The following NCOR2 variants were observed in gnomAD, a reference collection of about 807,000 sequenced individuals.
The protein encoded by NCOR2 is CTG repeat protein 26.
In NCOR2, 81 loss-of-function variants were observed where a neutral mutation model predicts 262.9. That is an observed-to-expected ratio of 0.31 (90% CI 0.26 to 0.37). The LOEUF (loss-of-function observed/expected upper bound fraction) is 0.37, where lower values mean the gene tolerates loss of function less well. NCOR2 is among the 10% of genes least tolerant of loss of function. The probability of loss-of-function intolerance (pLI) is 1.00; values close to 1 mark genes in which losing one functional copy is unlikely to be tolerated. For synonymous variants in NCOR2, 1,659 were observed against 1,559.3 expected, an observed-to-expected ratio of 1.06 and a Z score of -1.51; for missense variants, 3,385 against 3,621.4, an observed-to-expected ratio of 0.93 and a Z score of 1.68.
Position 124,359,488 on chromosome 12 carries a change from G to A in NCOR2, c.3100+2638C>T, listed in dbSNP as rs149222956. On this transcript the variant is annotated intron_variant, in intron 22 of 46. Transcript: ENST00000405201. ...CTGGACTTGTGCCCTGGCGAGGTGG[G>A]CAGCCCACAGGAGGCAGGGGGCACA... 2.1e-4 allele frequency among the ~76,000 whole-genome samples: 32 copies of A among 152,362 alleles called. No individual in the cohort carries two copies. In the Middle Eastern group the frequency reaches 0.017, roughly 81 times the overall value.
At chr12:124,390,709 AT>A (rs1233110416) in intron 16 of NCOR2, among the ~76,000 whole-genome samples, 2 of 152,198 alleles carry the variant, frequency 1.3e-5, no homozygotes, top group Non-Finnish European at 2.9e-5. Context: ...AGGCTGGGGT[AT>A]CCCCCTTGAC....
At position 124,449,800 on chromosome 12, in the gene NCOR2, C is replaced by A. The variant is rs973471464; in HGVS notation, c.815+15G>T. 12 of 1,613,856 alleles carry A rather than the reference C, an allele frequency of 7.4e-6. No homozygotes were observed. Among genetic ancestry groups the A allele is most frequent in the Non-Finnish European group, 9.3e-6 (11 of 1,179,882 alleles). On this transcript the variant is annotated intron_variant, in intron 7 of 46. Transcript: ENST00000405201. ...CTGCCTCTGTGTGTCTGCACGGCTG[C>A]CCGCGAGCACTCACATTTTGATGTT...
chr12:124,433,243 G>A (rs979721009), intron 8 of NCOR2, among the ~76,000 whole-genome samples: 7 of 152,230 alleles, frequency 4.6e-5, no homozygotes, highest in African/African-American at 7.2e-5. Context: ...ACGGCCACAC[G>A]TGCTCGGGGC....
intron 13 of NCOR2, among the ~76,000 whole-genome samples, chr12:124,411,438 C>CCGGATGACTGGAGCCCAGGA (rs2042582508): frequency 6.6e-6 from 1 of 152,186 alleles, no homozygotes; most frequent in Non-Finnish European, 1.5e-5. Context: ...TGGACCCAGG[C>CCGGATGACTGGAGCCCAGGA]CGGATGACTG....
chr12:124,388,749 C>T (rs1342725550), intron 16 of NCOR2: 4 of 1,304,250 alleles, frequency 3.1e-6, no homozygotes, highest in Non-Finnish European at 3.0e-6. Context: ...GAAGATGCCC[C>T]AGGGAGCGGG....
chr12:124,390,485 C>CCA (rs1555215632), intron 16 of NCOR2, among the ~76,000 whole-genome samples: 1 of 151,862 alleles, frequency 6.6e-6, no homozygotes, highest in Non-Finnish European at 1.5e-5. Flanking sequence ...GTGACCCCCC[C>CCA]CCGTCGCCCT....
intron 44 of NCOR2, 96 bp from the exon 47 acceptor site, chr12:124,327,729 A>C (rs979413195): frequency 2.1e-5 from 12 of 570,384 alleles, no homozygotes; most frequent in South Asian, 1.2e-4. Flanking sequence ...GAGAGAGGGA[A>C]GGAGGAGGAG....
chr12:124,445,223 T>G (rs1481994931), intron 7 of NCOR2, among the ~76,000 whole-genome samples: 5 of 152,184 alleles, frequency 3.3e-5, no homozygotes, highest in Non-Finnish European at 7.4e-5. Flanking sequence ...CCACGCACTT[T>G]CACCACATCC....
chr12:124,399,132 A>T (rs2041855627), intron 15 of NCOR2, among the ~76,000 whole-genome samples: 1 of 151,654 alleles, frequency 6.6e-6, no homozygotes, highest in Non-Finnish European at 1.5e-5. Context: ...AAGAGGGGAG[A>T]CGGCCCCCAC....
chr12:124,554,662 G>A (rs1351590651), intron 1 of NCOR2, among the ~76,000 whole-genome samples: 1 of 152,226 alleles, frequency 6.6e-6, no homozygotes, highest in East Asian at 1.9e-4. Flanking sequence ...GCAAACCAGA[G>A]AGCACACACC....
At chr12:124,364,577 G>A (rs2038872389) in intron 20 of NCOR2, among the ~76,000 whole-genome samples, 1 of 152,210 alleles carries the variant, frequency 6.6e-6, no homozygotes, top group South Asian at 2.1e-4. Context: ...CAGGGTACAC[G>A]GTGCCTGGCA....
chr12:124,376,727 G>A (rs1327863218), intron 18 of NCOR2, among the ~76,000 whole-genome samples: 8 of 152,218 alleles, frequency 5.3e-5, no homozygotes, highest in Non-Finnish European at 2.9e-5. Flanking sequence ...TTTATCTGCA[G>A]GCTGGGCTTA....
chr12:124,414,859 G>A (rs975792002), intron 13 of NCOR2, among the ~76,000 whole-genome samples: 4 of 152,352 alleles, frequency 2.6e-5, no homozygotes, highest in African/African-American at 9.6e-5. Context: ...ATGAGGGAGA[G>A]AGAAGCATGG....
At chr12:124,512,514 CTTTTATCAAAT>C (rs1233924901) in intron 1 of NCOR2, among the ~76,000 whole-genome samples, 5 of 152,194 alleles carry the variant, frequency 3.3e-5, no homozygotes, top group Non-Finnish European at 5.9e-5. Context: ...TGCAAAGACC[CTTTTATCAAAT>C]ACGGTCTCTC....
chr12:124,509,241 G>GCA (rs1555234132), intron 1 of NCOR2, among the ~76,000 whole-genome samples: 1 of 64,616 alleles, frequency 1.5e-5, no homozygotes, highest in Non-Finnish European at 5.3e-5. Flanking sequence ...TTGGTGGGGG[G>GCA]GGGGGGGGCT....
intron 13 of NCOR2, among the ~76,000 whole-genome samples, chr12:124,415,154 C>T (rs1339843419): frequency 2.0e-5 from 3 of 152,280 alleles, no homozygotes; most frequent in East Asian, 3.9e-4. Context: ...TTCACCTCCC[C>T]ACCCTCCTTA....
At chr12:124,342,858 T>C in intron 33 of NCOR2, 147 bp downstream of exon 35, 1 of 780,132 alleles carries the variant, frequency 1.3e-6, no homozygotes, top group Non-Finnish European at 2.0e-6. Flanking sequence ...ATGATTACAC[T>C]GTTGGGTCTT....
intron 17 of NCOR2, among the ~76,000 whole-genome samples, chr12:124,384,814 G>A (rs886118714): frequency 2.0e-4 from 30 of 152,156 alleles, no homozygotes; most frequent in Admixed American, 9.8e-4. Flanking sequence ...TGGGAGTGGC[G>A]GGGGGAGGAG....
At position 124,457,897 on chromosome 12, in the gene NCOR2, G is replaced by A. The variant is rs565670329; in HGVS notation, c.706-735C>T. On this transcript the variant is annotated intron_variant, in intron 5 of 46. Transcript: ENST00000405201. The surrounding 1 kb of genome is among the most constrained non-coding windows in gnomAD (Gnocchi z 4.0). ...ACCAGGGTCCACTCACAGGAGGCCT[G>A]GAGGGCAGCCCAGGCCAGCCGGGTA... 2.6e-5 allele frequency among the ~76,000 whole-genome samples: 4 copies of A among 152,324 alleles called. No individual in the cohort carries two copies. The South Asian group carries it at 8.3e-4, about 32-fold the overall frequency.
Sources: gnomAD v4.1 joint callset for allele counts (sites outside exome capture counted in the v4.1 genomes callset) on GRCh38, gnomAD v4.1.1 for gene constraint, Gnocchi (gnomAD v3.1) non-coding constraint, MANE v1.5 for transcripts, NCBI Gene and HGNC (gene_info 2026-07-23, HGNC 2026-07-21) for gene names.